POLA2: variants seen among roughly 807,000 people sequenced by gnomAD.
The protein encoded by POLA2 is DNA polymerase alpha subunit B.
POLA2 carries 47 observed loss-of-function variants against 82.8 expected under a neutral mutation model. The observed-to-expected ratio is 0.57, with a 90% CI of 0.45 to 0.72. The LOEUF is 0.72. POLA2 is among the 30% of genes least tolerant of loss of function. The pLI is 0.00. For missense variants in POLA2, 634 were observed against 728.1 expected, an observed-to-expected ratio of 0.87 and a Z score of 1.49; for synonymous variants, 287 against 286.8, an observed-to-expected ratio of 1.00 and a Z score of -0.01.
intron 4 of POLA2, 143 bp from the exon 5 acceptor site, chr11:65,275,749 A>G (rs1381755736): frequency 4.6e-6 from 2 of 439,444 alleles, no homozygotes; most frequent in Non-Finnish European, 4.1e-6. Context: ...TGCTTGGATG[A>G]TGGGGCCTTA....
downstream of POLA2, among the ~76,000 whole-genome samples, chr11:65,303,406 C>T (rs1158058468): frequency 2.6e-5 from 4 of 151,718 alleles, no homozygotes; most frequent in East Asian, 7.7e-4. Context: ...CTTATAATCC[C>T]AGCAATTTGG....
chr11:65,263,218 C>G (rs992976568), intron 1 of POLA2, among the ~76,000 whole-genome samples: 1 of 143,968 alleles, frequency 6.9e-6, no homozygotes, highest in Admixed American at 6.9e-5. Context: ...TTCTCTCTCT[C>G]TCTTTTTTTT....
chr11:65,300,976 C>G (rs1236052448), downstream of POLA2, among the ~76,000 whole-genome samples: 1 of 152,262 alleles, frequency 6.6e-6, no homozygotes, highest in Non-Finnish European at 1.5e-5. Context: ...TAAGATCCCA[C>G]TGTATGGCTA....
intron 4 of POLA2, among the ~76,000 whole-genome samples, chr11:65,274,770 A>G (rs1373291134): frequency 6.6e-6 from 1 of 152,292 alleles, no homozygotes; most frequent in East Asian, 1.9e-4. Flanking sequence ...ACTTAGGTTT[A>G]TATTTAAACT....
At chr11:65,289,014 T>G in intron 11 of POLA2, 36 bp from the exon 12 acceptor site, 1 of 1,600,546 alleles carries the variant, frequency 6.2e-7, no homozygotes, top group Non-Finnish European at 8.6e-7. Context: ...GTGATTCTGA[T>G]TTGTTCTTTT....
At chr11:65,303,498 G>T (rs919059275), downstream of POLA2, among the ~76,000 whole-genome samples, 1 of 152,126 alleles carries the variant, frequency 6.6e-6, no homozygotes, top group Non-Finnish European at 1.5e-5. Flanking sequence ...CTCCAGCCTG[G>T]GCGATAGAGC....
At chr11:65,281,816 T>C (rs1005764509) in intron 9 of POLA2, 84 bp downstream of exon 9, 1 of 1,073,202 alleles carries the variant, frequency 9.3e-7, no homozygotes, top group African/African-American at 1.6e-5. Context: ...AACTGGTCCT[T>C]TTTAGGAGCC....
At chr11:65,288,147 AAT>A (rs1949717174) in intron 11 of POLA2, among the ~76,000 whole-genome samples, 1 of 152,060 alleles carries the variant, frequency 6.6e-6, no homozygotes. Flanking sequence ...CTCTACTAAA[AAT>A]ACAAAAAAAT....
At chr11:65,276,394 T>G (rs923704824) in intron 5 of POLA2, among the ~76,000 whole-genome samples, 5 of 144,516 alleles carry the variant, frequency 3.5e-5, no homozygotes, top group Non-Finnish European at 7.7e-5. Context: ...TCATCTAAAG[T>G]TTTTTTTTTT....
Position 65,287,700 on chromosome 11 carries a change from A to G in POLA2, c.1007-16A>G, listed in dbSNP as rs1451756540. The stretch of plus-strand genomic sequence containing the variant: ...ACTAGTCCTCTTCTAATCAAGACCT[A>G]TAACCTCTGTCTTAGACTTTGAGCA... On this transcript the variant is annotated splice_polypyrimidine_tract_variant and intron_variant, in intron 10 of 17. Transcript: ENST00000265465. The G allele has an allele frequency of 6.2e-7, 1 of 1,609,998 alleles. No homozygotes were observed. The highest frequency in any genetic ancestry group is 8.5e-7 in the Non-Finnish European group (1 of 1,177,452).
At chr11:65,290,134 G>C (rs1949739173) in intron 13 of POLA2, among the ~76,000 whole-genome samples, 1 of 151,610 alleles carries the variant, frequency 6.6e-6, no homozygotes, top group African/African-American at 2.4e-5. Flanking sequence ...TGTAATCCCA[G>C]CTACTTGGGA....
chr11:65,286,607 C>A (rs1168836493), intron 10 of POLA2, among the ~76,000 whole-genome samples: 1 of 152,080 alleles, frequency 6.6e-6, no homozygotes, highest in Non-Finnish European at 1.5e-5. Context: ...CTAGGCTGGT[C>A]TCGACCTCCT....
downstream of POLA2, among the ~76,000 whole-genome samples, chr11:65,300,011 G>A (rs1050102844): frequency 1.3e-5 from 2 of 152,066 alleles, no homozygotes; most frequent in African/African-American, 2.4e-5. Flanking sequence ...TGATTCAGTG[G>A]TTTTTAGTAT....
rs1949822751 is a variant in POLA2, at chr11:65,297,332, CAT to C, written c.*65_*66del. Reference sequence around the variant, plus strand: ...TTAAAGTCTTAGCCAAGAGCCAAGACATAGCCCTGTGACAAGGTGAACAGTTG... The same window carrying C: ...TTAAAGTCTTAGCCAAGAGCCAAGACAGCCCTGTGACAAGGTGAACAGTTG... On this transcript the variant is annotated 3_prime_UTR_variant, in exon 18 of 18. Coordinates refer to ENST00000265465, the MANE Select transcript of POLA2 (RefSeq NM_002689.4). 5 of 1,495,064 alleles carry C rather than the reference CAT, an allele frequency of 3.3e-6. No individual in the cohort carries two copies. The highest frequency in any genetic ancestry group is 1.4e-5 in the African/African-American group (1 of 70,478). 92.6% of individuals were successfully genotyped at this position (1,495,064 alleles called of 1,614,324 possible).
At chr11:65,264,475 G>A (rs555708342) in intron 1 of POLA2, among the ~76,000 whole-genome samples, 7 of 152,214 alleles carry the variant, frequency 4.6e-5, no homozygotes, top group African/African-American at 1.7e-4. Context: ...AAAGTGCTGG[G>A]ATTACACTGC....
At chr11:65,282,856 C>T (rs1337479380) in intron 10 of POLA2, among the ~76,000 whole-genome samples, 3 of 152,184 alleles carry the variant, frequency 2.0e-5, no homozygotes, top group East Asian at 1.9e-4. Flanking sequence ...TGGGCAGATG[C>T]GGTGGCTCAC....
rs930112598 is a variant in POLA2 at position 65,305,371 on chromosome 11, A to T, written c.657-2A>T. ...ACACCCAAATTCCTTTGTTTTGTTT[A>T]GTTTTTGCCTTTCAGATGGACAAAA... On this transcript the variant is annotated splice_acceptor_variant, in intron 8 of 8. Coordinates refer to the POLA2 transcript ENST00000525924. LOFTEE classifies it high-confidence loss of function. 2.2e-6 allele frequency: 1 copy of T among 456,260 alleles called. No homozygotes were observed. Among genetic ancestry groups the T allele is most frequent in the South Asian group, 1.5e-5 (1 of 64,574 alleles). 28.3% of individuals were successfully genotyped at this position (456,260 alleles called of 1,614,324 possible).
At chr11:65,281,284 G>A in intron 8 of POLA2, 137 bp downstream of exon 8, 1 of 909,562 alleles carries the variant, frequency 1.1e-6, no homozygotes, top group East Asian at 2.4e-5. Context: ...CCCCAGAGCA[G>A]ACACCACTGT....
chr11:65,296,286 G>C, intron 17 of POLA2: 1 of 301,866 alleles, frequency 3.3e-6, no homozygotes, highest in Non-Finnish European at 6.5e-6. Flanking sequence ...GGTGACCTGG[G>C]GAAGATTTCA....
Sources: allele counts gnomAD v4.1 joint callset (sites outside exome capture counted in the v4.1 genomes callset), GRCh38; gene constraint gnomAD v4.1.1; transcripts MANE v1.5; gene names NCBI Gene and HGNC (gene_info 2026-07-23, HGNC 2026-07-21).